SEMA6D: variants seen among roughly 807,000 people sequenced by gnomAD.
SEMA6D encodes semaphorin-6D.
In SEMA6D, 35 loss-of-function variants were observed where a neutral mutation model predicts 106.6. The observed-to-expected ratio is 0.33, with a 90% CI of 0.25 to 0.44. The LOEUF is 0.44. Among genes scored for constraint, SEMA6D ranks in the 20% least tolerant of loss-of-function variants. SEMA6D has a pLI of 1.00. For missense variants in SEMA6D, 1,185 were observed against 1,345.9 expected (o/e 0.88, Z 1.87); for synonymous variants, 499 against 487.7 (o/e 1.02, Z -0.31).
At chr15:47,308,538 G>A (rs1460935182) in intron 1 of SEMA6D, among the ~76,000 whole-genome samples, 3 of 152,158 alleles carry the variant, frequency 2.0e-5, no homozygotes, top group Non-Finnish European at 4.4e-5. Context: ...GAAATCTTCA[G>A]AACGAATCCC....
At chr15:47,197,148 C>CTTTGG (rs1226106542) in intron 1 of SEMA6D, among the ~76,000 whole-genome samples, 1 of 152,122 alleles carries the variant, frequency 6.6e-6, no homozygotes, top group Non-Finnish European at 1.5e-5. Context: ...ATTAATATCA[C>CTTTGG]TTTGGTACTT....
chr15:47,482,454 G>C (rs1272233931), intron 3 of SEMA6D, among the ~76,000 whole-genome samples: 1 of 151,988 alleles, frequency 6.6e-6, no homozygotes, highest in African/African-American at 2.4e-5. Context: ...AGTCCTCTGG[G>C]TACCCTTTAC....
chr15:47,616,467 G>A (rs1367764353), intron 4 of SEMA6D, among the ~76,000 whole-genome samples: 2 of 151,628 alleles, frequency 1.3e-5, no homozygotes, highest in Non-Finnish European at 2.9e-5. Context: ...ATCATACCCA[G>A]CCTAAAAATC....
At chr15:47,643,487 T>TG (rs2077527011) in intron 4 of SEMA6D, among the ~76,000 whole-genome samples, 1 of 152,206 alleles carries the variant, frequency 6.6e-6, no homozygotes. Context: ...TTTATGTACT[T>TG]GCTAATCACT....
chr15:47,235,539 C>T (rs943397273), intron 1 of SEMA6D, among the ~76,000 whole-genome samples: 2 of 151,982 alleles, frequency 1.3e-5, no homozygotes, highest in Non-Finnish European at 1.5e-5. Context: ...CTACATGTGG[C>T]TATTCAATTT....
intron 1 of SEMA6D, among the ~76,000 whole-genome samples, chr15:47,260,846 G>A (rs1399392836): frequency 6.6e-6 from 1 of 152,142 alleles, no homozygotes; most frequent in Non-Finnish European, 1.5e-5. Flanking sequence ...AGTGGTGCCA[G>A]TCTCATCTGG....
chr15:47,737,624 G>A (rs774996873), intron 1 of SEMA6D, among the ~76,000 whole-genome samples: 1 of 151,904 alleles, frequency 6.6e-6, no homozygotes, highest in Non-Finnish European at 1.5e-5. Context: ...ATTATTATCT[G>A]AATGATTGCA....
chr15:47,686,243 G>A (rs1170035734), intron 4 of SEMA6D, among the ~76,000 whole-genome samples: 3 of 151,882 alleles, frequency 2.0e-5, no homozygotes, highest in African/African-American at 7.3e-5. Flanking sequence ...ACTAAGTCAT[G>A]AATTAAGGCA....
At chr15:47,452,062 C>T (rs1354255591) in intron 2 of SEMA6D, among the ~76,000 whole-genome samples, 1 of 152,002 alleles carries the variant, frequency 6.6e-6, no homozygotes, top group Non-Finnish European at 1.5e-5. Context: ...ACCTCAGTTA[C>T]TACTTCTTTT....
intron 1 of SEMA6D, among the ~76,000 whole-genome samples, chr15:47,205,054 A>G (rs1382943020): frequency 1.3e-5 from 2 of 152,150 alleles, no homozygotes; most frequent in Non-Finnish European, 1.5e-5. Context: ...GAACATCAAA[A>G]TTAATATTTA....
intron 1 of SEMA6D, among the ~76,000 whole-genome samples, chr15:47,310,440 T>C (rs1157163075): frequency 6.6e-6 from 1 of 152,188 alleles, no homozygotes; most frequent in Non-Finnish European, 1.5e-5. Flanking sequence ...TCATTACTTA[T>C]TTGCAATGAG....
intron 1 of SEMA6D, among the ~76,000 whole-genome samples, chr15:47,363,902 A>AAGAG (rs937032420): frequency 6.6e-6 from 1 of 152,120 alleles, no homozygotes; most frequent in Non-Finnish European, 1.5e-5. Flanking sequence ...ACAAGGTGGC[A>AAGAG]AGAGAGAGAG....
chr15:47,463,593 C>G (rs1390872), intron 2 of SEMA6D, among the ~76,000 whole-genome samples: 1 of 152,126 alleles, frequency 6.6e-6, no homozygotes, highest in Admixed American at 6.6e-5. Flanking sequence ...GATAGTATGT[C>G]GGGGGAATCC....
intron 1 of SEMA6D, among the ~76,000 whole-genome samples, chr15:47,403,168 T>TC (rs1281856521): frequency 6.6e-6 from 1 of 152,180 alleles, no homozygotes; most frequent in Non-Finnish European, 1.5e-5. Flanking sequence ...GCCTTTTTTT[T>TC]CCAGAATCCC....
intron 3 of SEMA6D, among the ~76,000 whole-genome samples, chr15:47,518,564 G>C (rs866520292): frequency 6.6e-6 from 1 of 152,158 alleles, no homozygotes; most frequent in Admixed American, 6.5e-5. Flanking sequence ...GAATATTGCA[G>C]GCAGTTTTAG....
intron 1 of SEMA6D, among the ~76,000 whole-genome samples, chr15:47,252,629 T>G (rs2033587192): frequency 6.6e-6 from 1 of 152,222 alleles, no homozygotes; most frequent in Admixed American, 6.5e-5. Flanking sequence ...ATTCCATATG[T>G]ATGTGAGATC....
chr15:47,391,041 C>G (rs534904975), intron 1 of SEMA6D, among the ~76,000 whole-genome samples: 1 of 152,226 alleles, frequency 6.6e-6, no homozygotes, highest in African/African-American at 2.4e-5. Flanking sequence ...TGAATTTGGC[C>G]CTTGCTTCTT....
At chr15:47,595,285 A>T (rs985362784) in intron 3 of SEMA6D, among the ~76,000 whole-genome samples, 15 of 152,218 alleles carry the variant, frequency 9.9e-5, no homozygotes, top group Non-Finnish European at 1.8e-4. Context: ...TTATGAAAAC[A>T]AGTTGAATTT....
At chr15:47,216,358 G>A (rs1204762114) in intron 1 of SEMA6D, among the ~76,000 whole-genome samples, 1 of 152,100 alleles carries the variant, frequency 6.6e-6, no homozygotes, top group Non-Finnish European at 1.5e-5. Context: ...ATACGCACAA[G>A]CATAGATAAT....
Sources: gnomAD v4.1 joint callset for allele counts (sites outside exome capture counted in the v4.1 genomes callset) on GRCh38, gnomAD v4.1.1 for gene constraint, MANE v1.5 for transcripts, NCBI Gene and HGNC (gene_info 2026-07-23, HGNC 2026-07-21) for gene names.